The following ELOVL2 variants were observed in gnomAD, a reference collection of about 807,000 sequenced individuals.
ELOVL2 encodes ELOVL fatty acid elongase 2.
A neutral mutation model predicts 37.7 loss-of-function variants in ELOVL2; 38 were observed. The ratio of observed to expected loss-of-function variants is 1.01; its 90% CI spans 0.78 to 1.32. ELOVL2 has a LOEUF of 1.32. ELOVL2 is among the 40% of genes most tolerant of loss of function. The pLI, the probability that ELOVL2 is intolerant of heterozygous loss-of-function variation, is 0.00. For missense variants in ELOVL2, 352 were observed against 363.6 expected, an observed-to-expected ratio of 0.97 and a Z score of 0.26; for synonymous variants, 115 against 122.3, an observed-to-expected ratio of 0.94 and a Z score of 0.40.
intron 1 of ELOVL2, among the ~76,000 whole-genome samples, chr6:11,031,518 TA>T (rs1401024727): frequency 1.3e-5 from 2 of 152,242 alleles, no homozygotes; most frequent in Non-Finnish European, 2.9e-5. Flanking sequence ...TGCCATTAAA[TA>T]ACCTTTACCC....
intron 5 of ELOVL2, among the ~76,000 whole-genome samples, chr6:10,992,941 C>G (rs1206251554): frequency 6.6e-6 from 1 of 152,104 alleles, no homozygotes; most frequent in Non-Finnish European, 1.5e-5. Context: ...ACCTCTAATC[C>G]TAGCACTTTA....
chr6:11,034,555 C>T (rs1022921547), intron 1 of ELOVL2, among the ~76,000 whole-genome samples: 4 of 151,776 alleles, frequency 2.6e-5, no homozygotes, highest in Non-Finnish European at 4.4e-5. Flanking sequence ...TGGTGGCACA[C>T]ACTTGTATTC....
At position 10,983,597 on chromosome 6, in the gene ELOVL2, C is replaced by T; in HGVS notation, c.*184G>A. 1 of 630,840 alleles carries T rather than the reference C, an allele frequency of 1.6e-6. No homozygotes were observed. Among genetic ancestry groups the T allele is most frequent in the Non-Finnish European group, 2.5e-6 (1 of 396,944 alleles). The allele number at this position is 630,840 out of a possible 1,614,324, so 39.1% of individuals were successfully genotyped here. ...CTCGGAGGTGAGCATCACCTCAATG[C>T]TGATCAAAGCATTCAGTTAACAGAT... On this transcript the variant is annotated 3_prime_UTR_variant, in exon 8 of 8. Transcript: ENST00000354666.
chr6:10,996,227 C>T (rs1010353591), intron 4 of ELOVL2, among the ~76,000 whole-genome samples: 3 of 152,088 alleles, frequency 2.0e-5, no homozygotes, highest in Non-Finnish European at 2.9e-5. Flanking sequence ...AAGGTACGGC[C>T]GCAACCGTCT....
At chr6:11,013,236 T>C (rs1782614004) in intron 1 of ELOVL2, among the ~76,000 whole-genome samples, 1 of 152,186 alleles carries the variant, frequency 6.6e-6, no homozygotes, top group Non-Finnish European at 1.5e-5. Flanking sequence ...CTGGGTTACT[T>C]AATATAGTTA....
chr6:10,992,911 G>A (rs1782192104), intron 5 of ELOVL2, among the ~76,000 whole-genome samples: 1 of 151,950 alleles, frequency 6.6e-6, no homozygotes, highest in South Asian at 2.1e-4. Flanking sequence ...TATGAATGAG[G>A]GCCAGGCATA....
At chr6:10,999,584 C>G (rs1172477021) in intron 4 of ELOVL2, among the ~76,000 whole-genome samples, 3 of 152,122 alleles carry the variant, frequency 2.0e-5, no homozygotes, top group Admixed American at 2.0e-4. Flanking sequence ...CTATGTTGGC[C>G]AGGCTGGTCT....
At chr6:11,014,138 T>C (rs573742801) in intron 1 of ELOVL2, among the ~76,000 whole-genome samples, 64 of 152,198 alleles carry the variant, frequency 4.2e-4, no homozygotes, top group Non-Finnish European at 7.9e-4. Flanking sequence ...CCTGATTACT[T>C]ACCACAGTTG....
At chr6:11,040,213 G>A (rs982559049) in intron 1 of ELOVL2, among the ~76,000 whole-genome samples, 1 of 152,202 alleles carries the variant, frequency 6.6e-6, no homozygotes, top group Non-Finnish European at 1.5e-5. Context: ...GAGTCTGAAA[G>A]ATGAGTAGCT....
At chr6:10,994,985 A>G in intron 5 of ELOVL2, 22 bp downstream of exon 5, 1 of 1,563,582 alleles carries the variant, frequency 6.4e-7, no homozygotes, top group Non-Finnish European at 8.7e-7. Context: ...CTCAAAACGG[A>G]AAAATTAACA....
intron 5 of ELOVL2, among the ~76,000 whole-genome samples, chr6:10,991,881 G>A (rs1254608297): frequency 1.3e-5 from 2 of 152,140 alleles, no homozygotes; most frequent in Non-Finnish European, 2.9e-5. Flanking sequence ...CCATTTCACT[G>A]TGATACAGAT....
At chr6:11,012,784 T>C (rs1309954273) in intron 1 of ELOVL2, among the ~76,000 whole-genome samples, 1 of 152,220 alleles carries the variant, frequency 6.6e-6, no homozygotes, top group Non-Finnish European at 1.5e-5. Flanking sequence ...AACCAATTAT[T>C]TGAGGATTTT....
At chr6:11,003,780 A>G (rs1196374144) in intron 3 of ELOVL2, among the ~76,000 whole-genome samples, 4 of 152,186 alleles carry the variant, frequency 2.6e-5, no homozygotes, top group Non-Finnish European at 5.9e-5. Flanking sequence ...CACCTATGTG[A>G]TATAATTTTA....
intron 1 of ELOVL2, among the ~76,000 whole-genome samples, chr6:11,018,127 T>G (rs545024550): frequency 6.6e-5 from 10 of 152,178 alleles, no homozygotes; most frequent in Non-Finnish European, 1.5e-4. Context: ...GAAAAAAAAT[T>G]GCCTATATAT....
At chr6:11,011,272 A>G (rs532694584) in intron 1 of ELOVL2, among the ~76,000 whole-genome samples, 52 of 152,186 alleles carry the variant, frequency 3.4e-4, no homozygotes, top group Admixed American at 1.8e-3. Flanking sequence ...AGGCTGAGGC[A>G]GAAGAATGGC....
intron 1 of ELOVL2, among the ~76,000 whole-genome samples, chr6:11,033,306 AT>A (rs1782960565): frequency 1.3e-5 from 2 of 152,210 alleles, no homozygotes; most frequent in African/African-American, 4.8e-5. Flanking sequence ...TTTCCTCATT[AT>A]TTCCAACACA....
At chr6:11,037,146 C>CAGGCAGAGAGGGAAAGAGACA in intron 1 of ELOVL2, among the ~76,000 whole-genome samples, 1 of 128,914 alleles carries the variant, frequency 7.8e-6, no homozygotes, top group East Asian at 3.2e-4. Context: ...GAGAGAGAGA[C>CAGGCAGAGAGGGAAAGAGACA]AGAGAGGCAG....
chr6:11,000,298 A>C, intron 3 of ELOVL2, 134 bp from the exon 4 acceptor site: 1 of 775,612 alleles, frequency 1.3e-6, no homozygotes, highest in South Asian at 1.6e-5. Context: ...AGTTTGTCTC[A>C]ATCCTATCCT....
intron 7 of ELOVL2, among the ~76,000 whole-genome samples, chr6:10,988,451 C>G (rs1429333053): frequency 6.6e-6 from 1 of 152,168 alleles, no homozygotes; most frequent in East Asian, 1.9e-4. Flanking sequence ...GTAATCCCAG[C>G]TACTTGGGAG....
Sources: gnomAD v4.1 joint callset for allele counts (sites outside exome capture counted in the v4.1 genomes callset) on GRCh38, gnomAD v4.1.1 for gene constraint, MANE v1.5 for transcripts, NCBI Gene and HGNC (gene_info 2026-07-23, HGNC 2026-07-21) for gene names.